Variants in CCDC85A observed in about 807,000 individuals in gnomAD.
CCDC85A encodes coiled-coil domain containing 85A.
In CCDC85A, 38 loss-of-function variants were observed where a neutral mutation model predicts 50.2. That is an observed-to-expected ratio of 0.76 (90% confidence interval 0.58 to 0.99). The LOEUF (loss-of-function observed/expected upper bound fraction) is 0.99, where lower values mean the gene tolerates loss of function less well. Ranked by LOEUF, CCDC85A falls within the 50% of genes least tolerant of loss-of-function variation. CCDC85A has a pLI of 0.00. For synonymous variants in CCDC85A, 366 were observed against 301.4 expected, an observed-to-expected ratio of 1.21 and a Z score of -2.22; for missense variants, 820 against 742.0, an observed-to-expected ratio of 1.11 and a Z score of -1.22.
chr2:56,201,572 C>G (rs1394940775), intron 2 of CCDC85A, among the ~76,000 whole-genome samples: 1 of 152,106 alleles, frequency 6.6e-6, no homozygotes, highest in African/African-American at 2.4e-5. Flanking sequence ...GTAGCTATAA[C>G]TTCCTAAGTG....
chr2:56,282,179 C>T (rs1671235710), intron 2 of CCDC85A, among the ~76,000 whole-genome samples: 1 of 151,908 alleles, frequency 6.6e-6, no homozygotes, highest in Admixed American at 6.6e-5. Flanking sequence ...ACTGTTCTTT[C>T]CTCCATTGAA....
intron 2 of CCDC85A, among the ~76,000 whole-genome samples, chr2:56,249,982 A>T (rs761028960): frequency 6.6e-6 from 1 of 152,156 alleles, no homozygotes. Flanking sequence ...TCTGCTTTTG[A>T]GGATCTTGAA....
chr2:56,233,802 GA>G (rs1332248354), intron 2 of CCDC85A, among the ~76,000 whole-genome samples: 1 of 152,144 alleles, frequency 6.6e-6, no homozygotes. Flanking sequence ...GCTCCTTGAG[GA>G]AAGGGCCTTG....
At chr2:56,367,081 T>C (rs1025555187) in intron 3 of CCDC85A, among the ~76,000 whole-genome samples, 3 of 152,128 alleles carry the variant, frequency 2.0e-5, no homozygotes, top group African/African-American at 7.2e-5. Flanking sequence ...GTAAGCTTTA[T>C]GATCTTCCAT....
intron 2 of CCDC85A, among the ~76,000 whole-genome samples, chr2:56,205,861 G>A (rs1172129562): frequency 6.6e-6 from 1 of 152,166 alleles, no homozygotes; most frequent in Non-Finnish European, 1.5e-5. Context: ...AAGATGTATG[G>A]TTAAGCAAGA....
chr2:56,269,589 C>T (rs1313286305), intron 2 of CCDC85A, among the ~76,000 whole-genome samples: 1 of 152,094 alleles, frequency 6.6e-6, no homozygotes, highest in Non-Finnish European at 1.5e-5. Context: ...ATCAAATTCT[C>T]CAGAGAAAGG....
chr2:56,309,636 G>T (rs1420918448), intron 2 of CCDC85A, among the ~76,000 whole-genome samples: 1 of 152,128 alleles, frequency 6.6e-6, no homozygotes, highest in Non-Finnish European at 1.5e-5. Flanking sequence ...CCTTGGTAAT[G>T]GTTCATCTTT....
chr2:56,327,068 T>G (rs538064969), intron 2 of CCDC85A, among the ~76,000 whole-genome samples: 1 of 152,314 alleles, frequency 6.6e-6, no homozygotes, highest in Non-Finnish European at 1.5e-5. Context: ...AAATATTTTC[T>G]GCTTTCCCAA....
chr2:56,351,654 T>A (rs1674948192), intron 3 of CCDC85A, among the ~76,000 whole-genome samples: 1 of 146,492 alleles, frequency 6.8e-6, no homozygotes, highest in Non-Finnish European at 1.5e-5. Flanking sequence ...TGTCTTCTTT[T>A]GAGAAGTGTC....
At chr2:56,283,048 T>G (rs1671276275) in intron 2 of CCDC85A, among the ~76,000 whole-genome samples, 1 of 152,196 alleles carries the variant, frequency 6.6e-6, no homozygotes, top group African/African-American at 2.4e-5. Context: ...TAGTAGATAT[T>G]TAGTAAAATA....
chr2:56,186,364 A>G (rs1416279724), intron 1 of CCDC85A, among the ~76,000 whole-genome samples: 1 of 152,214 alleles, frequency 6.6e-6, no homozygotes, highest in Non-Finnish European at 1.5e-5. Flanking sequence ...TTACTTTCTC[A>G]GATCCTCCTT....
intron 2 of CCDC85A, among the ~76,000 whole-genome samples, chr2:56,265,345 GT>G (rs1670391605): frequency 6.6e-6 from 1 of 152,126 alleles, no homozygotes; most frequent in Non-Finnish European, 1.5e-5. Context: ...AAGATTAACT[GT>G]GCTTATGTTT....
At chr2:56,342,833 A>G in intron 2 of CCDC85A, 46 bp from the exon 3 acceptor site, 1 of 1,299,848 alleles carries the variant, frequency 7.7e-7, no homozygotes, top group Non-Finnish European at 1.1e-6. Flanking sequence ...CAGTACACCA[A>G]ACAAGACCTG....
intron 2 of CCDC85A, among the ~76,000 whole-genome samples, chr2:56,240,775 C>G (rs187814398): frequency 7.6e-4 from 116 of 152,260 alleles, no homozygotes; most frequent in African/African-American, 2.7e-3. Context: ...ATATACCATT[C>G]ATCAATTGAT....
In CCDC85A at chr2:56,235,981, G is replaced by T. The variant is rs938773615; in HGVS notation, c.1240+42541G>T. Among the ~76,000 whole-genome samples, 4 of 152,050 alleles carry T rather than the reference G, an allele frequency of 2.6e-5. No homozygotes were observed. In the South Asian group the frequency reaches 8.3e-4, roughly 32 times the overall value. On this transcript the variant is annotated intron_variant, in intron 2 of 5. Coordinates refer to ENST00000407595, the MANE Select transcript of CCDC85A (RefSeq NM_001080433.2). ...CTGCTGGAGGGAAAGCCACCAACTA[G>T]CAAGGGATCAAAGGAAAAGAAATAC... is the stretch of plus-strand genomic sequence containing the variant.
chr2:56,256,124 T>G (rs1485959522), intron 2 of CCDC85A, among the ~76,000 whole-genome samples: 1 of 152,124 alleles, frequency 6.6e-6, no homozygotes, highest in Non-Finnish European at 1.5e-5. Context: ...CAAAAAAGGC[T>G]CAGAATTCAG....
chr2:56,227,268 C>T (rs887351729), intron 2 of CCDC85A, among the ~76,000 whole-genome samples: 2 of 151,764 alleles, frequency 1.3e-5, no homozygotes, highest in African/African-American at 4.8e-5. Flanking sequence ...GTTTCTATAC[C>T]CTTTCTATAC....
intron 3 of CCDC85A, among the ~76,000 whole-genome samples, chr2:56,362,411 G>T (rs888525735): frequency 1.3e-5 from 2 of 151,850 alleles, no homozygotes; most frequent in African/African-American, 4.8e-5. Flanking sequence ...ACAAAAAATT[G>T]GGAAGAATGA....
chr2:56,260,096 G>A (rs1056262279), intron 2 of CCDC85A, among the ~76,000 whole-genome samples: 2 of 152,200 alleles, frequency 1.3e-5, no homozygotes, highest in South Asian at 2.1e-4. Context: ...AGGATCTGAA[G>A]GGAACCAGAT....
Sources: gnomAD v4.1 joint callset for allele counts (sites outside exome capture counted in the v4.1 genomes callset) on GRCh38, gnomAD v4.1.1 for gene constraint, MANE v1.5 for transcripts, NCBI Gene and HGNC (gene_info 2026-07-23, HGNC 2026-07-21) for gene names.